ZNF609: variants seen among roughly 807,000 people sequenced by gnomAD.
ZNF609 encodes the protein zinc finger protein 609.
A neutral mutation model predicts 109.5 loss-of-function variants in ZNF609; 11 were observed. The ratio of observed to expected loss-of-function variants is 0.10; its 90% CI spans 0.06 to 0.17. ZNF609 has a LOEUF of 0.17. ZNF609 is among the 10% of genes least tolerant of loss of function. The pLI is 1.00. For missense variants in ZNF609, 1,559 were observed against 1,772.4 expected (o/e 0.88, Z 2.16); for synonymous variants, 646 against 662.0 (o/e 0.98, Z 0.37).
At chr15:64,491,447 A>C (rs1893410703) in intron 1 of ZNF609, among the ~76,000 whole-genome samples, 1 of 152,218 alleles carries the variant, frequency 6.6e-6, no homozygotes, top group African/African-American at 2.4e-5. Context: ...GAGACATCAA[A>C]TCCTGTAAAC....
chr15:64,464,199 A>G (rs554113848), intron 1 of ZNF609, among the ~76,000 whole-genome samples: 1 of 152,306 alleles, frequency 6.6e-6, no homozygotes, highest in East Asian at 1.9e-4. Flanking sequence ...TGACTGGAAC[A>G]CGATAATTTG....
chr15:64,522,073 A>G (rs556488206), intron 2 of ZNF609, among the ~76,000 whole-genome samples: 12 of 152,360 alleles, frequency 7.9e-5, no homozygotes, highest in Admixed American at 6.5e-4. Flanking sequence ...AAGCACAAGC[A>G]TTGTTATCTC....
intron 2 of ZNF609, among the ~76,000 whole-genome samples, chr15:64,598,218 G>A (rs1407187961): frequency 6.6e-6 from 1 of 152,124 alleles, no homozygotes; most frequent in Non-Finnish European, 1.5e-5. Context: ...GGGTTCAAGC[G>A]ATTCTTGTGC....
rs1842729270 is a variant in ZNF609 at position 64,645,904 on chromosome 15, G to T, written c.973+22852G>T. 2.0e-5 allele frequency among the ~76,000 whole-genome samples: 3 copies of T among 152,180 alleles called. No individual in the cohort carries two copies. In the South Asian group the frequency reaches 6.2e-4, roughly 31 times the overall value. ...TAAAAAGTGTTCAAGAGGATGTGGA[G>T]AAATTGGAACCCTTGAGAACTGTTG... is the stretch of plus-strand genomic sequence containing the variant. On this transcript the variant is annotated intron_variant, in intron 3 of 9. Transcript: ENST00000326648.
intron 2 of ZNF609, among the ~76,000 whole-genome samples, chr15:64,559,737 T>C (rs184825844): frequency 1.8e-3 from 281 of 152,332 alleles, no homozygotes; most frequent in Admixed American, 2.9e-3. Flanking sequence ...CACTGAGTGG[T>C]CGCTCAATAA....
intron 2 of ZNF609, among the ~76,000 whole-genome samples, chr15:64,611,287 A>C (rs146896836): frequency 1.3e-5 from 2 of 152,124 alleles, no homozygotes; most frequent in Admixed American, 1.3e-4. Context: ...CATCAGCTGC[A>C]AAGTTAATAA....
chr15:64,577,097 T>TACACACACAA (rs1447190096), intron 2 of ZNF609, among the ~76,000 whole-genome samples: 4 of 131,368 alleles, frequency 3.0e-5, no homozygotes, highest in Non-Finnish European at 4.7e-5. Context: ...TATATGTATA[T>TACACACACAA]ATACACACAA....
chr15:64,625,934 TATAGAGAGAGAG>T (rs1486000940), intron 3 of ZNF609, among the ~76,000 whole-genome samples: 4,524 of 70,936 alleles, frequency 0.064, 110 homozygotes, highest in Non-Finnish European at 0.089. Context: ...TATATATATA[TATAGAGAGAGAG>T]AGAGAGAGAG....
intron 2 of ZNF609, among the ~76,000 whole-genome samples, chr15:64,602,981 G>A (rs2140950082): frequency 7.3e-6 from 1 of 136,268 alleles, no homozygotes; most frequent in Non-Finnish European, 1.5e-5. Context: ...TCCTGACCTT[G>A]TGATCTGCCC....
In ZNF609 at chr15:64,674,378, C is replaced by G; in HGVS notation, c.1524C>G (p.His508Gln). The change falls in exon 5 of 10, where the codon CAC becomes CAG. Residue 508 changes from histidine (H) to glutamine (Q), a missense_variant. Coordinates refer to ENST00000326648, the MANE Select transcript of ZNF609 (RefSeq NM_015042.2). ...CAAACTGCAACAAGAAGTACAAGCA[C>G]ATCAATGGACTTAAGTACCACCAAG... The part of the protein sequence containing the change: ...PHPNCNKKYK[H>Q]INGLKYHQAH... The G allele has an allele frequency of 1.9e-6, 3 of 1,614,156 alleles. No homozygotes were observed. The highest frequency in any genetic ancestry group is 2.5e-6 in the Non-Finnish European group (3 of 1,180,036).
rs1567047100 is a variant in ZNF609, at chr15:64,680,700, GGTGGTGGCAGCTGTA to G, written c.4002_4016del (p.Gly1335_Ser1339del). 1.2e-6 allele frequency: 2 copies of G among 1,612,772 alleles called. No individual in the cohort carries two copies. On this transcript the variant is annotated inframe_deletion, in exon 8 of 10. Coordinates refer to ENST00000326648, the MANE Select transcript of ZNF609 (RefSeq NM_015042.2). ...TCGAGGAGGCTGTGGGGTGGTTGGG[GGTGGTGGCAGCTGTA>G]GCAGCGTCGGGGGAGCAAGTGGGGG...
intron 2 of ZNF609, among the ~76,000 whole-genome samples, chr15:64,585,358 G>T (rs1468669130): frequency 6.6e-6 from 1 of 152,010 alleles, no homozygotes; most frequent in African/African-American, 2.4e-5. Context: ...GATTCACTGT[G>T]CCTTAAACTT....
intron 4 of ZNF609, among the ~76,000 whole-genome samples, chr15:64,673,588 T>G (rs1896765529): frequency 6.6e-6 from 1 of 152,222 alleles, no homozygotes; most frequent in African/African-American, 2.4e-5. Context: ...GACAAGTCAT[T>G]TAGCATGCCT....
chr15:64,658,356 C>T (rs1195757159), intron 3 of ZNF609, among the ~76,000 whole-genome samples: 1 of 152,070 alleles, frequency 6.6e-6, no homozygotes, highest in African/African-American at 2.4e-5. Context: ...CACCACCACG[C>T]CCAGCTAATT....
intron 2 of ZNF609, among the ~76,000 whole-genome samples, chr15:64,580,185 T>C (rs1895074790): frequency 6.6e-6 from 1 of 152,274 alleles, no homozygotes; most frequent in East Asian, 1.9e-4. Flanking sequence ...CCAAGGAATT[T>C]AGACAGCCTC....
chr15:64,620,776 A>G (rs1393566315), intron 2 of ZNF609, among the ~76,000 whole-genome samples: 3 of 152,188 alleles, frequency 2.0e-5, no homozygotes, highest in Non-Finnish European at 4.4e-5. Context: ...ATGACTTTCT[A>G]AGCCAAGAAG....
intron 2 of ZNF609, among the ~76,000 whole-genome samples, chr15:64,567,900 ATC>A (rs1894803538): frequency 6.6e-6 from 1 of 152,038 alleles, no homozygotes; most frequent in African/African-American, 2.4e-5. Flanking sequence ...TGACATCGTG[ATC>A]TGCCCACCTC....
chr15:64,625,656 C>T (rs1010758640), intron 3 of ZNF609, among the ~76,000 whole-genome samples: 16 of 151,506 alleles, frequency 1.1e-4, no homozygotes, highest in Non-Finnish European at 2.2e-4. Context: ...TTTAGGAGGC[C>T]GAGGCGGGCG....
intron 2 of ZNF609, among the ~76,000 whole-genome samples, chr15:64,608,117 G>A (rs1373853845): frequency 6.6e-6 from 1 of 151,436 alleles, no homozygotes; most frequent in Non-Finnish European, 1.5e-5. Flanking sequence ...GGCTAGTCTC[G>A]AACTCCTGAC....
Sources: allele counts gnomAD v4.1 joint callset (sites outside exome capture counted in the v4.1 genomes callset), GRCh38; gene constraint gnomAD v4.1.1; transcripts MANE v1.5; gene names NCBI Gene and HGNC (gene_info 2026-07-23, HGNC 2026-07-21).